The following OPCML variants were observed in gnomAD, a reference collection of about 807,000 sequenced individuals.
OPCML encodes the protein opioid-binding protein/cell adhesion molecule.
In OPCML, 13 loss-of-function variants were observed where a neutral mutation model predicts 37.8. The observed-to-expected ratio is 0.34, with a 90% CI of 0.22 to 0.55. OPCML has a LOEUF of 0.55. OPCML is among the 20% of genes least tolerant of loss of function. The pLI is 0.91. For synonymous variants in OPCML, 176 were observed against 168.8 expected (o/e 1.04, Z -0.33); for missense variants, 341 against 435.6 (o/e 0.78, Z 1.93).
chr11:132,600,793 TCTTATA>T (rs1453110200), intron 3 of OPCML, among the ~76,000 whole-genome samples: 1 of 151,922 alleles, frequency 6.6e-6, no homozygotes. Context: ...CTTGTAACAT[TCTTATA>T]CTTAGGTGAT....
intron 1 of OPCML, among the ~76,000 whole-genome samples, chr11:132,964,243 A>C (rs1312553574): frequency 2.0e-5 from 3 of 152,256 alleles, no homozygotes; most frequent in African/African-American, 7.2e-5. Flanking sequence ...ACAAAAACAC[A>C]TGGGAATATT....
chr11:133,500,882 A>G (rs1004845417), intron 1 of OPCML, among the ~76,000 whole-genome samples: 5 of 152,016 alleles, frequency 3.3e-5, no homozygotes, highest in Admixed American at 2.0e-4. Flanking sequence ...GAGAGGGAGG[A>G]GTCTGAGTAG....
At chr11:133,271,784 G>T (rs1941844019) in intron 1 of OPCML, among the ~76,000 whole-genome samples, 1 of 152,180 alleles carries the variant, frequency 6.6e-6, no homozygotes, top group African/African-American at 2.4e-5. Flanking sequence ...CAGATAGGCA[G>T]CATTGAATCC....
At chr11:132,549,787 TCCC>T (rs1223991435) in intron 3 of OPCML, among the ~76,000 whole-genome samples, 1 of 152,080 alleles carries the variant, frequency 6.6e-6, no homozygotes, top group East Asian at 1.9e-4. Flanking sequence ...TGACCAGCCT[TCCC>T]CATGTGCTAT....
chr11:132,533,417 T>C (rs572099568), intron 3 of OPCML, among the ~76,000 whole-genome samples: 1 of 152,290 alleles, frequency 6.6e-6, no homozygotes, highest in Admixed American at 6.5e-5. Context: ...AGTAGGTGGG[T>C]AGCTAGAAAG....
At chr11:133,204,105 C>T (rs1276766130) in intron 1 of OPCML, among the ~76,000 whole-genome samples, 1 of 144,280 alleles carries the variant, frequency 6.9e-6, no homozygotes, top group African/African-American at 2.6e-5. Context: ...GGACAAGGGA[C>T]CTTTTTTGTC....
intron 1 of OPCML, among the ~76,000 whole-genome samples, chr11:133,061,611 T>C (rs1291519778): frequency 6.6e-6 from 1 of 152,212 alleles, no homozygotes; most frequent in Non-Finnish European, 1.5e-5. Flanking sequence ...TCACCACGTG[T>C]CCTACCTAGT....
intron 4 of OPCML, among the ~76,000 whole-genome samples, chr11:132,523,690 C>T (rs1158948290): frequency 6.6e-6 from 1 of 152,096 alleles, no homozygotes; most frequent in Non-Finnish European, 1.5e-5. Context: ...TCCCAGTCCC[C>T]AAATGCCAAG....
intron 1 of OPCML, among the ~76,000 whole-genome samples, chr11:133,461,736 C>G (rs1946864728): frequency 2.0e-5 from 3 of 151,888 alleles, no homozygotes; most frequent in Admixed American, 1.3e-4. Context: ...TCAGTACAAT[C>G]TCTACCATAA....
chr11:133,249,464 G>A lies in OPCML; in HGVS notation c.61+282800C>T, dbSNP rs559401474. ...AACCAGGCCCCACCTCCAACATTGCGGATCAAATTTCAACTTGAGGTTTGG... is the reference window on the plus strand; with the variant it reads ...AACCAGGCCCCACCTCCAACATTGCAGATCAAATTTCAACTTGAGGTTTGG... On this transcript the variant is annotated intron_variant, in intron 1 of 7. Transcript: ENST00000524381. Among the ~76,000 whole-genome samples the A allele has an allele frequency of 1.2e-4, 19 of 152,184 alleles. No individual in the cohort carries two copies. In the South Asian group the frequency reaches 2.1e-3, roughly 17 times the overall value.
chr11:132,718,238 G>A (rs988723851), intron 2 of OPCML, among the ~76,000 whole-genome samples: 1 of 152,188 alleles, frequency 6.6e-6, no homozygotes, highest in Non-Finnish European at 1.5e-5. Context: ...CCGTGGAGCA[G>A]ACGTGATTTA....
chr11:132,918,294 C>T (rs2136570200), intron 2 of OPCML, among the ~76,000 whole-genome samples: 1 of 152,268 alleles, frequency 6.6e-6, no homozygotes, highest in Admixed American at 6.5e-5. Flanking sequence ...AGTGATTTTT[C>T]TACACATCTA....
intron 1 of OPCML, among the ~76,000 whole-genome samples, chr11:133,338,720 C>T (rs558835941): frequency 1.3e-5 from 2 of 152,334 alleles, no homozygotes; most frequent in South Asian, 2.1e-4. Flanking sequence ...ATTTCCCCAA[C>T]CATCCCTATA....
intron 1 of OPCML, among the ~76,000 whole-genome samples, chr11:133,158,561 A>G (rs1001749838): frequency 4.8e-4 from 73 of 151,806 alleles, no homozygotes; most frequent in African/African-American, 1.7e-3. Flanking sequence ...TTAGTCAGGC[A>G]TGGTGGCGGG....
At chr11:132,805,714 T>A (rs1489371141) in intron 2 of OPCML, among the ~76,000 whole-genome samples, 1 of 152,162 alleles carries the variant, frequency 6.6e-6, no homozygotes, top group African/African-American at 2.4e-5. Context: ...ACCTTTTCTA[T>A]AAATGAAGGC....
At chr11:132,833,431 G>A (rs553642334) in intron 2 of OPCML, among the ~76,000 whole-genome samples, 4 of 152,234 alleles carry the variant, frequency 2.6e-5, no homozygotes, top group Admixed American at 6.5e-5. Context: ...TGTCATCTCC[G>A]GTGCTAACAA....
At chr11:132,679,306 C>G (rs1942839137) in intron 2 of OPCML, among the ~76,000 whole-genome samples, 1 of 152,030 alleles carries the variant, frequency 6.6e-6, no homozygotes, top group Admixed American at 6.6e-5. Flanking sequence ...ATGTTCATAA[C>G]AGCATTATTC....
chr11:133,051,065 A>G (rs967211244), intron 1 of OPCML, among the ~76,000 whole-genome samples: 1 of 151,058 alleles, frequency 6.6e-6, no homozygotes, highest in African/African-American at 2.4e-5. Flanking sequence ...ACATACACAC[A>G]CACACACACA....
intron 1 of OPCML, chr11:133,118,400 G>C: frequency 6.1e-6 from 6 of 985,360 alleles, no homozygotes; most frequent in Non-Finnish European, 7.2e-6. Flanking sequence ...CTCTGTGTCA[G>C]GGCTGGCCTT....
Sources: allele counts gnomAD v4.1 joint callset (sites outside exome capture counted in the v4.1 genomes callset), GRCh38; gene constraint gnomAD v4.1.1; transcripts MANE v1.5; gene names NCBI Gene and HGNC (gene_info 2026-07-23, HGNC 2026-07-21).